The following ERI3 variants were observed in gnomAD, a reference collection of about 807,000 sequenced individuals.
ERI3 encodes the protein ERI1 exoribonuclease 3.
Under a neutral mutation model 44.4 loss-of-function variants are expected in ERI3, and 18 were observed. The ratio of observed to expected loss-of-function variants is 0.41; its 90% CI spans 0.28 to 0.60. The LOEUF (loss-of-function observed/expected upper bound fraction) is 0.60, where lower values mean the gene tolerates loss of function less well. Among genes scored for constraint, ERI3 ranks in the 20% least tolerant of loss-of-function variants. ERI3 has a pLI of 0.36. For synonymous variants in ERI3, 183 were observed against 164.8 expected (o/e 1.11, Z -0.84); for missense variants, 294 against 435.5 (o/e 0.68, Z 2.89).
chr1:44,337,973 T>C (rs1646569523), intron 3 of ERI3, among the ~76,000 whole-genome samples: 1 of 152,182 alleles, frequency 6.6e-6, no homozygotes, highest in African/African-American at 2.4e-5. Flanking sequence ...ACATATTCAA[T>C]GCACCAACAC....
intron 7 of ERI3, among the ~76,000 whole-genome samples, chr1:44,282,095 G>A (rs1343790041): frequency 1.3e-5 from 2 of 152,122 alleles, no homozygotes; most frequent in African/African-American, 4.8e-5. Flanking sequence ...AGGGGAAGTA[G>A]GTGGCAGCAG....
intron 7 of ERI3, among the ~76,000 whole-genome samples, chr1:44,270,144 A>C (rs1645061423): frequency 6.6e-6 from 1 of 152,108 alleles, no homozygotes; most frequent in Non-Finnish European, 1.5e-5. Context: ...AGCAAAATCA[A>C]AAGAAGGGGA....
At chr1:44,325,359 G>C (rs1646290517) in intron 3 of ERI3, among the ~76,000 whole-genome samples, 1 of 152,152 alleles carries the variant, frequency 6.6e-6, no homozygotes, top group African/African-American at 2.4e-5. Flanking sequence ...ACAGGCTTGA[G>C]CCACCACGCC....
intron 2 of ERI3, among the ~76,000 whole-genome samples, chr1:44,343,405 T>C (rs757531302): frequency 6.6e-6 from 1 of 152,166 alleles, no homozygotes; most frequent in Admixed American, 6.5e-5. Flanking sequence ...GTGAACATTA[T>C]CAATAATGGG....
intron 3 of ERI3, among the ~76,000 whole-genome samples, chr1:44,330,403 C>T (rs745570101): frequency 5.3e-5 from 8 of 152,176 alleles, no homozygotes; most frequent in Non-Finnish European, 1.0e-4. Context: ...TCCTTACTGG[C>T]CAACTACATG....
chr1:44,225,832 A>G (rs1403855822), intron 8 of ERI3, among the ~76,000 whole-genome samples: 1 of 152,142 alleles, frequency 6.6e-6, no homozygotes, highest in African/African-American at 2.4e-5. Context: ...GAGGAAGGGG[A>G]CCCAAGAAGT....
chr1:44,350,358 T>G (rs1336325284), intron 2 of ERI3, among the ~76,000 whole-genome samples: 2 of 151,912 alleles, frequency 1.3e-5, no homozygotes, highest in Non-Finnish European at 2.9e-5. Flanking sequence ...ACTTCCCAGG[T>G]TCAAGTGATT....
intron 7 of ERI3, among the ~76,000 whole-genome samples, chr1:44,274,572 A>G (rs370658): frequency 0.7 from 106,668 of 152,046 alleles, 38,385 homozygotes; most frequent in African/African-American, 0.87. Context: ...CTCTAGCTCC[A>G]GCAGCCCCTG....
At position 44,241,901 on chromosome 1, in the gene ERI3, GT is replaced by G; in HGVS notation, c.931+6037del. The G allele has an allele frequency of 1.0e-6, 1 of 966,234 alleles. No homozygotes were observed. The highest frequency in any genetic ancestry group is 1.8e-5 in the African/African-American group (1 of 56,838). 59.9% of individuals were successfully genotyped at this position (966,234 alleles called of 1,614,324 possible). A position where few individuals can be genotyped will look rare whatever the true frequency, so the allele number is the denominator to read the frequency against. ...GTCCATCAACTCACCCACCCATCTA[GT>G]CCATCAACTCACCCATCCATCTAGC... On this transcript the variant is annotated intron_variant, in intron 8 of 8. Coordinates refer to ENST00000372257, the MANE Select transcript of ERI3 (RefSeq NM_024066.3). This position sits in a 1 kb window ranked among gnomAD's most constrained non-coding sequence, Gnocchi z 5.6.
chr1:44,310,959 G>GCGCT (rs1553195227), intron 5 of ERI3, among the ~76,000 whole-genome samples: 1 of 81,256 alleles, frequency 1.2e-5, no homozygotes, highest in African/African-American at 5.0e-5. Context: ...CATCGCGCGC[G>GCGCT]CGCGCACACA....
chr1:44,354,447 C>T, intron 1 of ERI3: 1 of 985,426 alleles, frequency 1.0e-6, no homozygotes, highest in Non-Finnish European at 1.2e-6. Flanking sequence ...AAGAAAACAC[C>T]TGTTGCTGGA....
intron 5 of ERI3, among the ~76,000 whole-genome samples, chr1:44,311,019 G>A (rs962468827): frequency 4.2e-5 from 6 of 142,168 alleles, no homozygotes; most frequent in African/African-American, 1.0e-4. Context: ...ACACACACGT[G>A]CAGGAATCCA....
chr1:44,237,630 C>T (rs921447576), intron 8 of ERI3, among the ~76,000 whole-genome samples: 3 of 152,154 alleles, frequency 2.0e-5, no homozygotes, highest in Non-Finnish European at 4.4e-5. Context: ...GTGGGCATTT[C>T]CCCAGGCACC....
chr1:44,304,153 T>TGTAGAGTAG (rs1444052316), intron 6 of ERI3, among the ~76,000 whole-genome samples: 8 of 151,926 alleles, frequency 5.3e-5, no homozygotes, highest in Non-Finnish European at 1.0e-4. Context: ...TAGGTGGAGA[T>TGTAGAGTAG]GTAGAGTAGG....
chr1:44,310,961 GCGCACACACACACA>G lies in ERI3; in HGVS notation c.666+2194_666+2207del, dbSNP rs1251962420. Among the ~76,000 whole-genome samples, 169 of 84,698 alleles carry G rather than the reference GCGCACACACACACA, an allele frequency of 2.0e-3. 7 individuals are homozygous for G. Among genetic ancestry groups the G allele is most frequent in the African/African-American group, 6.6e-3 (141 of 21,452 alleles). The allele number at this position is 84,698 out of a possible 152,430, so 55.6% of individuals were successfully genotyped here. A position where few individuals can be genotyped will look rare whatever the true frequency, so the allele number is the denominator to read the frequency against. On this transcript the variant is annotated intron_variant, in intron 5 of 8. Coordinates refer to ENST00000372257, the MANE Select transcript of ERI3 (RefSeq NM_024066.3). ...GCATGTATGTGCACATCGCGCGCGC[GCGCACACACACACA>G]CACACACACACACACACACACACAC...
chr1:44,252,361 C>T lies in ERI3; in HGVS notation c.832-4323G>A, dbSNP rs1442528865. ...TGGCTCTCCCCTCTCGTGGCTCTGC[C>T]CGCCTTGGCTGCTGCCCCATTAGCT... On this transcript the variant is annotated intron_variant, in intron 7 of 8. Transcript: ENST00000372257. The surrounding 1 kb of genome is among the most constrained non-coding windows in gnomAD (Gnocchi z 4.7). 6.6e-6 allele frequency among the ~76,000 whole-genome samples: 1 copy of T among 152,244 alleles called. No homozygotes were observed. The highest frequency in any genetic ancestry group is 2.4e-5 in the African/African-American group (1 of 41,472).
At position 44,333,394 on chromosome 1, in the gene ERI3, G is replaced by A. The variant is rs570696068; in HGVS notation, c.489+5651C>T. ...CACAGACAGAGGGACCACAATCCAA[G>A]GATTAGGCTCTCCAGGAAAAAGGCC... On this transcript the variant is annotated intron_variant, in intron 3 of 8. Transcript: ENST00000372257. Among the ~76,000 whole-genome samples, 9 of 152,342 alleles carry A rather than the reference G, an allele frequency of 5.9e-5. No homozygotes were observed. The East Asian group carries it at 1.7e-3, about 29-fold the overall frequency.
intron 7 of ERI3, among the ~76,000 whole-genome samples, chr1:44,269,395 A>G (rs1027770320): frequency 6.6e-6 from 1 of 152,224 alleles, no homozygotes; most frequent in Admixed American, 6.5e-5. Flanking sequence ...CAAGGGCCTC[A>G]TCTGCCCACC....
intron 8 of ERI3, among the ~76,000 whole-genome samples, chr1:44,222,079 G>A (rs934147984): frequency 1.3e-5 from 2 of 152,178 alleles, no homozygotes; most frequent in Non-Finnish European, 2.9e-5. Flanking sequence ...ATTACTGTGC[G>A]ACCATTCATC....
Sources: allele counts gnomAD v4.1 joint callset (sites outside exome capture counted in the v4.1 genomes callset), GRCh38; gene constraint gnomAD v4.1.1; non-coding constraint Gnocchi (gnomAD v3.1); transcripts MANE v1.5; gene names NCBI Gene and HGNC (gene_info 2026-07-23, HGNC 2026-07-21).